Variants in PTPN20 observed in about 807,000 individuals in gnomAD.
PTPN20 encodes tyrosine-protein phosphatase non-receptor type 20.
Under a neutral mutation model 35.0 loss-of-function variants are expected in PTPN20, and 9 were observed. The observed-to-expected ratio is 0.26, with a 90% CI of 0.15 to 0.45. The LOEUF is 0.45. Ranked by LOEUF, PTPN20 falls within the 20% of genes least tolerant of loss-of-function variation. PTPN20 has a pLI of 1.00. For synonymous variants in PTPN20, 32 were observed against 100.2 expected (o/e 0.32, Z 4.06); for missense variants, 111 against 312.5 (o/e 0.36, Z 4.86).
intron 5 of PTPN20, among the ~76,000 whole-genome samples, chr10:46,957,306 C>T (rs1393459430): frequency 2.6e-5 from 4 of 151,036 alleles, no homozygotes; most frequent in Admixed American, 1.3e-4. Context: ...AAGTGGCATC[C>T]GTGCCTTGTT....
intron 9 of PTPN20, among the ~76,000 whole-genome samples, chr10:46,998,696 T>C (rs2059576511): frequency 6.6e-6 from 1 of 152,228 alleles, no homozygotes. Flanking sequence ...TTAAGCTTTG[T>C]GGATTGTCCC....
At chr10:46,921,994 A>G (rs1401815908) in intron 1 of PTPN20, among the ~76,000 whole-genome samples, 11 of 118,830 alleles carry the variant, frequency 9.3e-5, no homozygotes, top group South Asian at 3.4e-4. Context: ...GAGAGAATAC[A>G]TTTCTGCATT....
chr10:46,992,660 C>G (rs2058220930), intron 9 of PTPN20, among the ~76,000 whole-genome samples: 2 of 152,186 alleles, frequency 1.3e-5, no homozygotes, highest in Non-Finnish European at 2.9e-5. Flanking sequence ...TAGGTTTCAG[C>G]TGTCTCCTGA....
chr10:46,983,692 G>A (rs1242304205), intron 7 of PTPN20, among the ~76,000 whole-genome samples: 11 of 131,778 alleles, frequency 8.3e-5, no homozygotes, highest in Admixed American at 7.5e-4. Context: ...GATGAAGGCT[G>A]AGAATGGACA....
downstream of PTPN20, among the ~76,000 whole-genome samples, chr10:47,002,903 T>C (rs2060131277): frequency 6.6e-6 from 1 of 152,052 alleles, no homozygotes. Flanking sequence ...AAAGTTATTT[T>C]AGTGATTTAT....
chr10:46,991,967 C>G (rs2058044759), intron 9 of PTPN20, among the ~76,000 whole-genome samples: 1 of 152,130 alleles, frequency 6.6e-6, no homozygotes, highest in Non-Finnish European at 1.5e-5. Context: ...TGCCTATTGA[C>G]TTCTCTAGTG....
At chr10:46,930,138 C>G (rs1180839340) in intron 1 of PTPN20, among the ~76,000 whole-genome samples, 2 of 142,376 alleles carry the variant, frequency 1.4e-5, no homozygotes, top group African/African-American at 5.9e-5. Context: ...CAAAGCTGTT[C>G]TGATGGAAGG....
At chr10:47,000,524 A>G in intron 10 of PTPN20, 152 bp from the exon 11 acceptor site, 2 of 796,024 alleles carry the variant, frequency 2.5e-6, no homozygotes, top group Non-Finnish European at 4.0e-6. Flanking sequence ...TTAAAAATGT[A>G]TTCACGTAAA....
At chr10:46,919,185 T>C (rs1170292344) in intron 1 of PTPN20, among the ~76,000 whole-genome samples, 1 of 152,188 alleles carries the variant, frequency 6.6e-6, no homozygotes, top group Non-Finnish European at 1.5e-5. Context: ...GTACGGTGGG[T>C]TCCTTGTAGA....
chr10:46,995,285 G>A (rs2058841574), intron 9 of PTPN20, among the ~76,000 whole-genome samples: 1 of 131,106 alleles, frequency 7.6e-6, no homozygotes, highest in Non-Finnish European at 1.7e-5. Flanking sequence ...TTTATTGAAT[G>A]TATTTGGTTA....
intron 1 of PTPN20, among the ~76,000 whole-genome samples, chr10:46,923,347 A>T (rs541557050): frequency 6.8e-6 from 1 of 146,316 alleles, no homozygotes; most frequent in Non-Finnish European, 1.5e-5. Flanking sequence ...TTGGGCACCA[A>T]TACAGTTATC....
rs1317409014 is a variant in PTPN20 at position 46,999,971 on chromosome 10, G to C, written c.1194G>C (p.Thr398=). The part of the protein sequence containing the change: ...MREQRSGMVQ[T]KEQYHFCYDI... ...AACAACGTTCTGGCATGGTTCAAAC[G>C]AAGGTAAGCTTTCACCACATACATA... Residue 398 remains threonine, a synonymous_variant, in exon 10 of 11, where the codon ACG becomes ACC. Coordinates refer to ENST00000374339, the MANE Select transcript of PTPN20 (RefSeq NM_001042357.5). 6.2e-7 allele frequency: 1 copy of C among 1,613,726 alleles called. No homozygotes were observed. Among genetic ancestry groups the C allele is most frequent in the Non-Finnish European group, 8.5e-7 (1 of 1,179,696 alleles).
At chr10:46,921,655 A>G in intron 1 of PTPN20, among the ~76,000 whole-genome samples, 1 of 112,286 alleles carries the variant, frequency 8.9e-6, no homozygotes, top group Non-Finnish European at 1.8e-5. Flanking sequence ...TGAATTTTAT[A>G]CCCCAAGAGA....
chr10:46,939,033 A>T (rs1339888706), intron 2 of PTPN20, among the ~76,000 whole-genome samples: 1 of 152,040 alleles, frequency 6.6e-6, no homozygotes, highest in Non-Finnish European at 1.5e-5. Flanking sequence ...ATTCTCATAG[A>T]CTTTTTTTTC....
At chr10:47,000,122 C>T (rs1590072091) in intron 10 of PTPN20, 148 bp downstream of exon 10, 1 of 1,226,728 alleles carries the variant, frequency 8.2e-7, no homozygotes, top group Admixed American at 1.8e-5. Flanking sequence ...CTCTGATTCT[C>T]TGGTATTCCT....
intron 4 of PTPN20, among the ~76,000 whole-genome samples, chr10:46,944,750 G>A (rs1589427221): frequency 7.0e-6 from 1 of 143,440 alleles, no homozygotes; most frequent in East Asian, 2.0e-4. Flanking sequence ...GAGATTCTGT[G>A]ATACACTAAG....
In PTPN20 at chr10:46,948,596, C is replaced by G. The variant is rs1256350827; in HGVS notation, c.340+1921C>G. Among the ~76,000 whole-genome samples, 758 of 149,900 alleles carry G rather than the reference C, an allele frequency of 5.1e-3. 3 individuals carry two copies. Among genetic ancestry groups the G allele is most frequent in the African/African-American group, 0.017 (683 of 40,442 alleles). ...TGGCTTAGAATTCCTTAGGATTTAG[C>G]TTGTGCGCAGGGTGTCAGCTGGGGT... On this transcript the variant is annotated intron_variant, in intron 5 of 10. Transcript: ENST00000374339.
intron 10 of PTPN20, among the ~76,000 whole-genome samples, 165 bp downstream of exon 10, chr10:47,000,139 G>A (rs958951153): frequency 3.9e-5 from 6 of 152,148 alleles, no homozygotes; most frequent in African/African-American, 1.2e-4. Flanking sequence ...TCCTGACCAA[G>A]TACTTCAAAT....
chr10:46,954,528 C>G (rs1264940574), intron 5 of PTPN20, among the ~76,000 whole-genome samples: 1 of 142,846 alleles, frequency 7.0e-6, no homozygotes, highest in Non-Finnish European at 1.5e-5. Context: ...AATTGTCTAA[C>G]TTATGGGACT....
Sources: allele counts gnomAD v4.1 joint callset (sites outside exome capture counted in the v4.1 genomes callset), GRCh38; gene constraint gnomAD v4.1.1; transcripts MANE v1.5; gene names NCBI Gene and HGNC (gene_info 2026-07-23, HGNC 2026-07-21).